Variants in CLMN observed in about 807,000 individuals in gnomAD.
CLMN encodes calmin (calponin-like, transmembrane).
A neutral mutation model predicts 92.7 loss-of-function variants in CLMN; 57 were observed. The observed-to-expected ratio is 0.61, with a 90% CI of 0.50 to 0.77. The LOEUF is 0.77. Among genes scored for constraint, CLMN ranks in the 30% least tolerant of loss-of-function variants. The pLI is 0.00. For missense variants in CLMN, 1,158 were observed against 1,237.5 expected, an observed-to-expected ratio of 0.94 and a Z score of 0.96; for synonymous variants, 466 against 470.6, an observed-to-expected ratio of 0.99 and a Z score of 0.13.
Position 95,194,338 on chromosome 14 carries a change from A to G in CLMN, c.2769+198T>C, listed in dbSNP as rs1317691485. On this transcript the variant is annotated intron_variant, in intron 11 of 12. Coordinates refer to ENST00000298912, the MANE Select transcript of CLMN (RefSeq NM_024734.4). This position sits in a 1 kb window ranked among gnomAD's most constrained non-coding sequence, Gnocchi z 4.0. ...CTTTGGGCTTTAAAATCCTCACTTT[A>G]TTTACATCTCTTATTGCCCAAACCG... 2 of 1,430,860 alleles carry G rather than the reference A, an allele frequency of 1.4e-6. No individual in the cohort carries two copies. Among genetic ancestry groups the G allele is most frequent in the African/African-American group, 1.4e-5 (1 of 69,454 alleles). 88.6% of individuals were successfully genotyped at this position (1,430,860 alleles called of 1,614,324 possible). A position where few individuals can be genotyped will look rare whatever the true frequency, so the allele number is the denominator to read the frequency against.
intron 1 of CLMN, among the ~76,000 whole-genome samples, chr14:95,250,859 T>C (rs1394643409): frequency 6.6e-6 from 1 of 152,166 alleles, no homozygotes; most frequent in East Asian, 1.9e-4. Flanking sequence ...ATAGGGGGAC[T>C]GGCCCAAAGC....
At chr14:95,260,497 A>G (rs1899208532) in intron 1 of CLMN, 1 of 151,836 alleles carries the variant, frequency 6.6e-6, no homozygotes, top group South Asian at 2.1e-4. Context: ...ATGTTTGTTG[A>G]AAGAATCAAG....
intron 9 of CLMN, chr14:95,199,180 T>A (rs1370300248): frequency 6.6e-6 from 1 of 152,302 alleles, no homozygotes. Context: ...TTTGGCAAAC[T>A]GAATAAAACC....
At chr14:95,296,498 T>A (rs1447822360) in intron 1 of CLMN, among the ~76,000 whole-genome samples, 1 of 152,250 alleles carries the variant, frequency 6.6e-6, no homozygotes, top group Admixed American at 6.5e-5. Context: ...ACCATGGGCT[T>A]TATTTCCCAG....
chr14:95,233,859 A>C (rs1897966267), intron 1 of CLMN, among the ~76,000 whole-genome samples: 1 of 152,252 alleles, frequency 6.6e-6, no homozygotes, highest in Non-Finnish European at 1.5e-5. Flanking sequence ...CAAGGCCAGC[A>C]GGCTGGCCTG....
chr14:95,275,014 A>G (rs1595084838), intron 1 of CLMN, among the ~76,000 whole-genome samples: 1 of 151,780 alleles, frequency 6.6e-6, no homozygotes, highest in East Asian at 1.9e-4. Flanking sequence ...CATTCCTTCA[A>G]CAAATATTTA....
chr14:95,209,429 G>A lies in CLMN; in HGVS notation c.851C>T (p.Ala284Val). 2 of 1,614,184 alleles carry A rather than the reference G, an allele frequency of 1.2e-6. No homozygotes were observed. Among genetic ancestry groups the A allele is most frequent in the Middle Eastern group, 1.6e-4 (1 of 6,062 alleles). ...PDEQSIMTYV[A>V]QFLERFPELE... ...CTCCGGAAAACGTTCTAGAAACTGT[G>A]CCACGTAAGTCATGATAGACTGCTC... is the stretch of plus-strand genomic sequence containing the variant. Residue 284 changes from alanine (A) to valine (V), a missense_variant, in exon 8 of 13, where the codon GCA becomes GTA. Coordinates refer to ENST00000298912, the MANE Select transcript of CLMN (RefSeq NM_024734.4).
Position 95,193,366 on chromosome 14 carries a change from T to C in CLMN, c.2840+483A>G, listed in dbSNP as rs201172492. ...TTGCTTTCCCTCTTCATGTCTGCTC[T>C]GATGCCATAAAACTGTAAAATCAGC... On this transcript the variant is annotated intron_variant, in intron 12 of 12. Transcript: ENST00000298912. The C allele has an allele frequency of 1.5e-4, 230 of 1,535,196 alleles. 2 individuals are homozygous for C. In the East Asian group the frequency reaches 3.5e-3, roughly 24 times the overall value.
intron 3 of CLMN, 82 bp from the exon 4 acceptor site, chr14:95,221,856 T>A: frequency 7.7e-7 from 1 of 1,303,464 alleles, no homozygotes; most frequent in Non-Finnish European, 1.1e-6. Context: ...CTGGGTGTGC[T>A]TTACTTTTTT....
intron 1 of CLMN, among the ~76,000 whole-genome samples, chr14:95,290,976 G>T (rs1247001078): frequency 6.6e-6 from 1 of 152,180 alleles, no homozygotes; most frequent in African/African-American, 2.4e-5. Flanking sequence ...ACAAACACGT[G>T]CTTGCCAGGA....
At chr14:95,218,286 T>C (rs1280273759) in intron 4 of CLMN, among the ~76,000 whole-genome samples, 1 of 152,208 alleles carries the variant, frequency 6.6e-6, no homozygotes, top group Non-Finnish European at 1.5e-5. Context: ...CTTTAGTGTT[T>C]ACAATATACC....
At chr14:95,193,510 G>C (rs1274621914) in intron 12 of CLMN, 1 of 821,510 alleles carries the variant, frequency 1.2e-6, no homozygotes, top group Non-Finnish European at 1.9e-6. Context: ...CTCCTGCCTG[G>C]CCGTCCCTTT....
At chr14:95,250,973 G>A (rs1898759418) in intron 1 of CLMN, among the ~76,000 whole-genome samples, 1 of 152,174 alleles carries the variant, frequency 6.6e-6, no homozygotes, top group African/African-American at 2.4e-5. Flanking sequence ...ATCTTGCAAA[G>A]GTATTAGGAG....
At chr14:95,313,910 G>A (rs1395515499) in intron 1 of CLMN, among the ~76,000 whole-genome samples, 24 of 152,208 alleles carry the variant, frequency 1.6e-4, no homozygotes. Flanking sequence ...TTGGGCAAAG[G>A]GTTGCTTCCC....
intron 1 of CLMN, among the ~76,000 whole-genome samples, chr14:95,299,909 G>T (rs1380261165): frequency 6.6e-6 from 1 of 152,230 alleles, no homozygotes; most frequent in African/African-American, 2.4e-5. Context: ...GGGGGACCCA[G>T]AAACCTATAC....
chr14:95,235,062 T>C (rs1457946635), intron 1 of CLMN, among the ~76,000 whole-genome samples: 2 of 152,178 alleles, frequency 1.3e-5, no homozygotes, highest in African/African-American at 4.8e-5. Context: ...GAGAAAAATA[T>C]CTAAAATTGC....
intron 6 of CLMN, among the ~76,000 whole-genome samples, chr14:95,211,810 A>G (rs1414878257): frequency 1.3e-5 from 2 of 152,184 alleles, no homozygotes; most frequent in African/African-American, 4.8e-5. Flanking sequence ...TCCAAACCAG[A>G]ACACCAATAC....
chr14:95,245,208 T>TATAATATATATATATATAATATA (rs1446680726), intron 1 of CLMN, among the ~76,000 whole-genome samples: 2 of 19,804 alleles, frequency 1.0e-4, no homozygotes, highest in Non-Finnish European at 7.6e-5. Context: ...TATATATATA[T>TATAATATATATATATATAATATA]TATATATATA....
At chr14:95,314,406 A>G (rs1395239122) in intron 1 of CLMN, among the ~76,000 whole-genome samples, 1 of 152,032 alleles carries the variant, frequency 6.6e-6, no homozygotes, top group African/African-American at 2.4e-5. Flanking sequence ...TAGAGCCCAG[A>G]GTCACACACC....
Sources: allele counts gnomAD v4.1 joint callset (sites outside exome capture counted in the v4.1 genomes callset), GRCh38; gene constraint gnomAD v4.1.1; non-coding constraint Gnocchi (gnomAD v3.1); transcripts MANE v1.5; gene names NCBI Gene and HGNC (gene_info 2026-07-23, HGNC 2026-07-21).